Variants in HEMK2 observed in about 807,000 individuals in gnomAD.
HEMK2 encodes the protein HemK methyltransferase 2, ETF1 glutamine and histone H4 lysine.
At chr21:28,820,603 T>C in the HEMK2 span, among the ~76,000 whole-genome samples, 452 of 152,294 alleles carry the variant, frequency 3.0e-3, 2 homozygotes, top group Middle Eastern at 6.8e-3. Flanking sequence ...CTGTATCCCA[T>C]TGGAATATTG....
At chr21:28,792,433 A>C in the HEMK2 span, among the ~76,000 whole-genome samples, 1 of 152,108 alleles carries the variant, frequency 6.6e-6, no homozygotes, top group African/African-American at 2.4e-5. Context: ...TGGTAACAAA[A>C]TCTCTTAAGC....
the HEMK2 span, among the ~76,000 whole-genome samples, chr21:28,707,236 AGAAG>A: frequency 3.9e-4 from 59 of 152,004 alleles, no homozygotes; most frequent in African/African-American, 1.4e-3. Context: ...CACAAAACTT[AGAAG>A]AGTTGCACAA....
the HEMK2 span, among the ~76,000 whole-genome samples, chr21:28,604,979 C>T: frequency 1.7e-3 from 256 of 152,292 alleles, 2 homozygotes; most frequent in African/African-American, 5.4e-3. Flanking sequence ...ACAGGATTGT[C>T]CTAAATCTGC....
chr21:28,770,391 A>G, the HEMK2 span, among the ~76,000 whole-genome samples: 1 of 151,992 alleles, frequency 6.6e-6, no homozygotes, highest in East Asian at 1.9e-4. Flanking sequence ...ATTCAATTCA[A>G]CTTGTTTCCA....
the HEMK2 span, among the ~76,000 whole-genome samples, chr21:28,769,414 C>T: frequency 6.6e-5 from 10 of 152,038 alleles, no homozygotes; most frequent in African/African-American, 2.2e-4. Context: ...CCTACCAGAA[C>T]CTTCAGCAAA....
chr21:28,833,743 G>T, the HEMK2 span, among the ~76,000 whole-genome samples: 1 of 152,314 alleles, frequency 6.6e-6, no homozygotes, highest in Non-Finnish European at 1.5e-5. Context: ...GCCAGGCAAG[G>T]TTGGACTGAA....
At chr21:28,633,053 T>A in the HEMK2 span, among the ~76,000 whole-genome samples, 1 of 152,192 alleles carries the variant, frequency 6.6e-6, no homozygotes, top group Non-Finnish European at 1.5e-5. Flanking sequence ...AATCCACAGC[T>A]TTTCTCTAAA....
At chr21:28,616,690 T>C in the HEMK2 span, among the ~76,000 whole-genome samples, 1 of 152,210 alleles carries the variant, frequency 6.6e-6, no homozygotes, top group South Asian at 2.1e-4. Context: ...TTCTATTTCC[T>C]AGTCATTTAA....
chr21:28,823,959 C>G, the HEMK2 span, among the ~76,000 whole-genome samples: 1 of 152,142 alleles, frequency 6.6e-6, no homozygotes, highest in Non-Finnish European at 1.5e-5. Context: ...TAAGCAGATT[C>G]CTGAATCCCA....
At chr21:28,577,408 C>A in the HEMK2 span, 10 of 152,084 alleles carry the variant, frequency 6.6e-5, no homozygotes, top group African/African-American at 2.4e-4. Context: ...CAAAATATAC[C>A]ATGTTTCATG....
the HEMK2 span, among the ~76,000 whole-genome samples, chr21:28,776,476 G>A: frequency 3.6e-3 from 549 of 152,344 alleles, 1 homozygote; most frequent in African/African-American, 0.012. Flanking sequence ...GAGAAAGGCT[G>A]TGGACTGTGG....
At chr21:28,852,581 A>G in the HEMK2 span, among the ~76,000 whole-genome samples, 1 of 152,158 alleles carries the variant, frequency 6.6e-6, no homozygotes. Flanking sequence ...TTGGGAAATG[A>G]TTGGAGAAAG....
chr21:28,763,815 G>A, the HEMK2 span, among the ~76,000 whole-genome samples: 4 of 152,174 alleles, frequency 2.6e-5, no homozygotes, highest in South Asian at 4.2e-4. Flanking sequence ...AAACCAACTC[G>A]TTTGACTGCC....
chr21:28,843,878 G>A, the HEMK2 span, among the ~76,000 whole-genome samples: 7 of 152,050 alleles, frequency 4.6e-5, no homozygotes, highest in Non-Finnish European at 1.0e-4. Context: ...CTGGGAAGCC[G>A]TATAATATGA....
At chr21:28,864,863 A>G in the HEMK2 span, among the ~76,000 whole-genome samples, 1 of 117,698 alleles carries the variant, frequency 8.5e-6, no homozygotes, top group Non-Finnish European at 1.8e-5. Flanking sequence ...AGATAGATAG[A>G]TAGATGGATG....
At chr21:28,877,264 G>GA in the HEMK2 span, among the ~76,000 whole-genome samples, 13 of 68,672 alleles carry the variant, frequency 1.9e-4, no homozygotes, top group African/African-American at 4.2e-4. Context: ...GAGAAGGGAA[G>GA]GAAGGAAGGA....
the HEMK2 span, among the ~76,000 whole-genome samples, chr21:28,878,896 C>G: frequency 6.7e-6 from 1 of 148,726 alleles, no homozygotes; most frequent in Non-Finnish European, 1.5e-5. Flanking sequence ...ACACATAGAT[C>G]TTTTCTAAGG....
chr21:28,843,682 T>C, the HEMK2 span, among the ~76,000 whole-genome samples: 3 of 152,290 alleles, frequency 2.0e-5, no homozygotes, highest in African/African-American at 7.2e-5. Context: ...AACATGAAAT[T>C]TTCTGTGCAG....
the HEMK2 span, among the ~76,000 whole-genome samples, chr21:28,781,444 A>G: frequency 6.8e-6 from 1 of 147,444 alleles, no homozygotes; most frequent in Non-Finnish European, 1.5e-5. Flanking sequence ...CTGTGTTCAG[A>G]GCTCCCCAAG....
Sources: allele counts gnomAD v4.1 joint callset (sites outside exome capture counted in the v4.1 genomes callset), GRCh38; gene constraint gnomAD v4.1.1; transcripts MANE v1.5; gene names NCBI Gene and HGNC (gene_info 2026-07-23, HGNC 2026-07-21).